DLGAP4: variants seen among roughly 807,000 people sequenced by gnomAD.
The protein encoded by DLGAP4 is disks large-associated protein 4.
Under a neutral mutation model 86.9 loss-of-function variants are expected in DLGAP4, and 18 were observed. The ratio of observed to expected loss-of-function variants is 0.21; its 90% CI spans 0.14 to 0.31. The LOEUF (loss-of-function observed/expected upper bound fraction) is 0.31, where lower values mean the gene tolerates loss of function less well. DLGAP4 is among the 10% of genes least tolerant of loss of function. The probability of loss-of-function intolerance (pLI) is 1.00; values close to 1 mark genes in which losing one functional copy is unlikely to be tolerated. For synonymous variants in DLGAP4, 548 were observed against 574.3 expected, an observed-to-expected ratio of 0.95 and a Z score of 0.65; for missense variants, 1,085 against 1,362.6, an observed-to-expected ratio of 0.80 and a Z score of 3.21.
At chr20:36,511,780 C>G (rs2036709544) in intron 10 of DLGAP4, among the ~76,000 whole-genome samples, 1 of 149,822 alleles carries the variant, frequency 6.7e-6, no homozygotes, top group South Asian at 2.1e-4. Context: ...GAGGCTGAGG[C>G]AGGAGAATCA....
At chr20:36,476,607 G>A (rs540397461) in intron 7 of DLGAP4, among the ~76,000 whole-genome samples, 53 of 150,708 alleles carry the variant, frequency 3.5e-4, no homozygotes, top group African/African-American at 1.3e-3. Flanking sequence ...GGGATTACAG[G>A]CGTGAGCCAC....
chr20:36,523,375 T>C (rs1041981748), intron 10 of DLGAP4, among the ~76,000 whole-genome samples: 2 of 152,194 alleles, frequency 1.3e-5, no homozygotes, highest in African/African-American at 4.8e-5. Context: ...TCGATTAGGA[T>C]ATTTATTTTT....
chr20:36,392,526 A>C (rs1388353989), intron 2 of DLGAP4, among the ~76,000 whole-genome samples: 2 of 118,004 alleles, frequency 1.7e-5, no homozygotes, highest in African/African-American at 2.8e-5. Flanking sequence ...ATGCACCACC[A>C]CGCCCGGCTA....
chr20:36,453,022 G>A (rs961609550), intron 7 of DLGAP4, among the ~76,000 whole-genome samples: 4 of 151,456 alleles, frequency 2.6e-5, no homozygotes, highest in South Asian at 2.1e-4. Context: ...TAGTAGAGAC[G>A]GGGTTTCACC....
chr20:36,343,655 A>G (rs2065407658), intron 1 of DLGAP4, among the ~76,000 whole-genome samples: 1 of 152,074 alleles, frequency 6.6e-6, no homozygotes, highest in South Asian at 2.1e-4. Flanking sequence ...AATTTGAACT[A>G]TATCTGTGTC....
At chr20:36,336,458 A>G (rs1170457949) in intron 1 of DLGAP4, among the ~76,000 whole-genome samples, 1 of 152,126 alleles carries the variant, frequency 6.6e-6, no homozygotes, top group Non-Finnish European at 1.5e-5. Context: ...TGTTATGCCT[A>G]TGGCTGTGAT....
intron 7 of DLGAP4, among the ~76,000 whole-genome samples, chr20:36,466,241 T>C (rs2034346048): frequency 6.6e-6 from 1 of 152,236 alleles, no homozygotes; most frequent in Non-Finnish European, 1.5e-5. Flanking sequence ...AGCTTGTTGC[T>C]GTGTGACCTT....
intron 2 of DLGAP4, among the ~76,000 whole-genome samples, chr20:36,384,959 G>T (rs749685831): frequency 1.3e-5 from 2 of 152,310 alleles, no homozygotes; most frequent in East Asian, 1.9e-4. Context: ...GTGGAAGGGG[G>T]TTACTTAGCT....
At chr20:36,426,615 G>A (rs2032980800) in intron 2 of DLGAP4, among the ~76,000 whole-genome samples, 1 of 152,158 alleles carries the variant, frequency 6.6e-6, no homozygotes, top group Non-Finnish European at 1.5e-5. Context: ...TCTGTTTGGG[G>A]TGATGGAATG....
At chr20:36,309,736 A>G (rs2147328736) in intron 1 of DLGAP4, among the ~76,000 whole-genome samples, 1 of 152,000 alleles carries the variant, frequency 6.6e-6, no homozygotes, top group Admixed American at 6.5e-5. Flanking sequence ...CCCTTCCTTC[A>G]CTCGCCAGGT....
At chr20:36,487,597 C>G (rs77758388) in intron 7 of DLGAP4, among the ~76,000 whole-genome samples, 3,956 of 152,296 alleles carry the variant, frequency 0.026, 205 homozygotes, top group African/African-American at 0.091. Context: ...CCTCCCATGC[C>G]TTGGACTGTC....
At chr20:36,498,293 G>GCTT (rs1300747520) in intron 8 of DLGAP4, 1 of 152,212 alleles carries the variant, frequency 6.6e-6, no homozygotes, top group African/African-American at 2.4e-5. Flanking sequence ...TGTTTTCTGG[G>GCTT]CTTCTTAAGT....
intron 7 of DLGAP4, among the ~76,000 whole-genome samples, chr20:36,475,659 A>G (rs1322028253): frequency 6.6e-6 from 1 of 152,190 alleles, no homozygotes; most frequent in Non-Finnish European, 1.5e-5. Flanking sequence ...GATTGTAGGC[A>G]GATTATTAAC....
rs144366502 is a variant in DLGAP4, at chr20:36,481,611, A to G, written c.1649-15094A>G. Among the ~76,000 whole-genome samples, 595 of 152,180 alleles carry G rather than the reference A, an allele frequency of 3.9e-3. 9 individuals are homozygous for G. The highest frequency in any genetic ancestry group is 0.013 in the African/African-American group (550 of 41,500). On this transcript the variant is annotated intron_variant, in intron 7 of 12. Coordinates refer to ENST00000339266, the MANE Select transcript of DLGAP4 (RefSeq NM_001365621.2). ...TTTTCATTGTCATCTCCACATTTCT[A>G]TGGGTTTCTTGAGGACAAGGACTAC...
At chr20:36,506,576 G>A (rs2036385849) in intron 10 of DLGAP4, among the ~76,000 whole-genome samples, 1 of 152,178 alleles carries the variant, frequency 6.6e-6, no homozygotes, top group Non-Finnish European at 1.5e-5. Flanking sequence ...TGCCTGTATT[G>A]ACTGAATTTT....
Position 36,393,140 on chromosome 20 carries a change from G to A in DLGAP4, c.-73+25865G>A, listed in dbSNP as rs994195210. Among the ~76,000 whole-genome samples, 5 of 152,110 alleles carry A rather than the reference G, an allele frequency of 3.3e-5. No homozygotes were observed. The highest frequency in any genetic ancestry group is 1.2e-4 in the African/African-American group (5 of 41,404). ...TGGTTTTGGTCAAGAGCTCAGGGGT[G>A]AGACTAGGGTGGGACTGGAGAACTG... On this transcript the variant is annotated intron_variant, in intron 2 of 12. Transcript: ENST00000339266. This position sits in a 1 kb window ranked among gnomAD's most constrained non-coding sequence, Gnocchi z 4.4.
chr20:36,480,640 A>C (rs181536553), intron 7 of DLGAP4, among the ~76,000 whole-genome samples: 7 of 152,210 alleles, frequency 4.6e-5, no homozygotes, highest in African/African-American at 1.7e-4. Flanking sequence ...GAGCCCAGGA[A>C]GTTGAAGCTA....
intron 10 of DLGAP4, among the ~76,000 whole-genome samples, chr20:36,504,105 A>G (rs2036262079): frequency 6.6e-6 from 1 of 152,064 alleles, no homozygotes; most frequent in South Asian, 2.1e-4. Flanking sequence ...TATATAACAT[A>G]AAGTTTACCT....
intron 2 of DLGAP4, among the ~76,000 whole-genome samples, chr20:36,416,280 CCTGA>C (rs1466011221): frequency 6.6e-6 from 1 of 152,156 alleles, no homozygotes; most frequent in African/African-American, 2.4e-5. Flanking sequence ...TGCCACTGTA[CCTGA>C]CTAATTTTTG....
Sources: allele counts gnomAD v4.1 joint callset (sites outside exome capture counted in the v4.1 genomes callset), GRCh38; gene constraint gnomAD v4.1.1; non-coding constraint Gnocchi (gnomAD v3.1); transcripts MANE v1.5; gene names NCBI Gene and HGNC (gene_info 2026-07-23, HGNC 2026-07-21).